CDH13: variants seen among roughly 807,000 people sequenced by gnomAD.
CDH13 encodes cadherin-13.
CDH13 carries 24 observed loss-of-function variants against 63.8 expected under a neutral mutation model. That is an observed-to-expected ratio of 0.38 (90% CI 0.27 to 0.53). The LOEUF (loss-of-function observed/expected upper bound fraction) is 0.53, where lower values mean the gene tolerates loss of function less well. CDH13 is among the 20% of genes least tolerant of loss of function. The probability of loss-of-function intolerance (pLI) is 0.85; values close to 1 mark genes in which losing one functional copy is unlikely to be tolerated. For missense variants in CDH13, 1,049 were observed against 903.1 expected, an observed-to-expected ratio of 1.16 and a Z score of -2.07; for synonymous variants, 503 against 355.3, an observed-to-expected ratio of 1.42 and a Z score of -4.67.
chr16:83,267,966 A>T (rs561554274), intron 5 of CDH13, among the ~76,000 whole-genome samples: 1 of 152,300 alleles, frequency 6.6e-6, no homozygotes, highest in Admixed American at 6.5e-5. Context: ...ATGACCATGA[A>T]TGGCAAATTA....
intron 2 of CDH13, among the ~76,000 whole-genome samples, chr16:82,988,578 A>C (rs1454523182): frequency 6.6e-6 from 1 of 152,094 alleles, no homozygotes; most frequent in Non-Finnish European, 1.5e-5. Flanking sequence ...CCTGGCCAAC[A>C]TGGTGAAACC....
chr16:82,709,127 C>T (rs577088947), intron 1 of CDH13, among the ~76,000 whole-genome samples: 1 of 152,312 alleles, frequency 6.6e-6, no homozygotes, highest in Non-Finnish European at 1.5e-5. Context: ...TGGATATAAG[C>T]TCCAATTCTA....
intron 2 of CDH13, among the ~76,000 whole-genome samples, chr16:82,969,273 T>C (rs918486051): frequency 4.6e-5 from 7 of 152,124 alleles, no homozygotes; most frequent in African/African-American, 1.7e-4. Context: ...CTACTGTATA[T>C]CTAATGGCCC....
At chr16:83,062,962 ATTTT>A (rs61186735) in intron 3 of CDH13, among the ~76,000 whole-genome samples, 22 of 134,080 alleles carry the variant, frequency 1.6e-4, no homozygotes, top group African/African-American at 5.0e-4. Flanking sequence ...GGTGGTTGGC[ATTTT>A]TTTTTTTTTT....
intron 4 of CDH13, among the ~76,000 whole-genome samples, chr16:83,189,737 G>T (rs189955038): frequency 3.9e-5 from 6 of 152,286 alleles, no homozygotes; most frequent in Admixed American, 3.3e-4. Context: ...AAGGCAAGAG[G>T]AATCTTCCCT....
At chr16:83,162,401 C>A (rs1479755006) in intron 4 of CDH13, among the ~76,000 whole-genome samples, 1 of 152,130 alleles carries the variant, frequency 6.6e-6, no homozygotes, top group Non-Finnish European at 1.5e-5. Flanking sequence ...TTATTGTAGA[C>A]ATTTTACAGA....
chr16:83,364,750 T>A (rs970002464), intron 6 of CDH13, among the ~76,000 whole-genome samples: 1 of 151,890 alleles, frequency 6.6e-6, no homozygotes, highest in African/African-American at 2.4e-5. Flanking sequence ...GGGAAGAGAG[T>A]GTGGGTTGGA....
At chr16:83,544,756 G>C (rs1175463809) in intron 7 of CDH13, among the ~76,000 whole-genome samples, 1 of 152,158 alleles carries the variant, frequency 6.6e-6, no homozygotes, top group East Asian at 1.9e-4. Context: ...ATTGTGTTGG[G>C]CAAGGGATTT....
At chr16:82,825,788 C>T (rs1285263910) in intron 1 of CDH13, 2 of 150,412 alleles carry the variant, frequency 1.3e-5, no homozygotes, top group Admixed American at 6.6e-5. Context: ...CTCAGGTGAT[C>T]CACCTGCCTC....
intron 1 of CDH13, among the ~76,000 whole-genome samples, chr16:82,687,479 C>T (rs1482556115): frequency 6.6e-6 from 1 of 152,094 alleles, no homozygotes; most frequent in Admixed American, 6.5e-5. Flanking sequence ...GGAGGCCTCA[C>T]AATCATGGCA....
chr16:82,791,187 A>G (rs2036279300), intron 1 of CDH13, among the ~76,000 whole-genome samples: 1 of 151,228 alleles, frequency 6.6e-6, no homozygotes, highest in East Asian at 2.0e-4. Flanking sequence ...CCGTGAGCAG[A>G]GATCACGCCA....
At chr16:83,434,510 A>G (rs917694264) in intron 6 of CDH13, among the ~76,000 whole-genome samples, 5 of 151,904 alleles carry the variant, frequency 3.3e-5, no homozygotes, top group African/African-American at 9.7e-5. Flanking sequence ...TGAAGTGCCA[A>G]TGATTCAAGT....
intron 4 of CDH13, among the ~76,000 whole-genome samples, chr16:83,208,372 A>G (rs1177836096): frequency 2.0e-5 from 3 of 152,122 alleles, no homozygotes; most frequent in South Asian, 2.1e-4. Context: ...GGACTAACCC[A>G]CAGCTGAGAA....
chr16:83,110,076 A>C (rs1413162722), intron 3 of CDH13, among the ~76,000 whole-genome samples: 1 of 152,218 alleles, frequency 6.6e-6, no homozygotes, highest in Non-Finnish European at 1.5e-5. Flanking sequence ...ATGGTAGAAT[A>C]TGTGGGGTTA....
chr16:82,956,749 T>C (rs1013375992), intron 2 of CDH13, among the ~76,000 whole-genome samples: 1 of 152,224 alleles, frequency 6.6e-6, no homozygotes, highest in Non-Finnish European at 1.5e-5. Flanking sequence ...TCTTTCACAT[T>C]GGAAAGTTTG....
intron 6 of CDH13, among the ~76,000 whole-genome samples, chr16:83,411,406 G>T (rs565721778): frequency 2.0e-5 from 3 of 152,162 alleles, no homozygotes; most frequent in Admixed American, 1.3e-4. Context: ...GTTTATTGTT[G>T]GCTTCTTCAT....
chr16:82,773,194 A>G (rs1357141349), intron 1 of CDH13: 1 of 152,310 alleles, frequency 6.6e-6, no homozygotes, highest in Non-Finnish European at 1.5e-5. Context: ...CAGCAGAATC[A>G]TTAGCAGTCA....
intron 10 of CDH13, among the ~76,000 whole-genome samples, chr16:83,710,893 A>G (rs916300883): frequency 2.0e-5 from 3 of 152,034 alleles, no homozygotes; most frequent in African/African-American, 7.3e-5. Flanking sequence ...TGATGGACAG[A>G]CTCGATCATC....
chr16:82,973,968 G>C (rs934158398), intron 2 of CDH13, among the ~76,000 whole-genome samples: 1 of 152,022 alleles, frequency 6.6e-6, no homozygotes, highest in African/African-American at 2.4e-5. Flanking sequence ...TGTTGTCCAG[G>C]CTGGAGTGCA....
Sources: gnomAD v4.1 joint callset for allele counts (sites outside exome capture counted in the v4.1 genomes callset) on GRCh38, gnomAD v4.1.1 for gene constraint, MANE v1.5 for transcripts, NCBI Gene and HGNC (gene_info 2026-07-23, HGNC 2026-07-21) for gene names.